The following SLC4A4 variants were observed in gnomAD, a reference collection of about 807,000 sequenced individuals.
The protein encoded by SLC4A4 is electrogenic sodium bicarbonate cotransporter 1.
In SLC4A4, 27 loss-of-function variants were observed where a neutral mutation model predicts 111.5. The observed-to-expected ratio is 0.24, with a 90% CI of 0.18 to 0.33. The LOEUF (loss-of-function observed/expected upper bound fraction) is 0.33. SLC4A4 is among the 10% of genes least tolerant of loss of function. The pLI is 1.00. For missense variants in SLC4A4, 909 were observed against 1,315.5 expected, an observed-to-expected ratio of 0.69 and a Z score of 4.78; for synonymous variants, 443 against 463.4, an observed-to-expected ratio of 0.96 and a Z score of 0.57.
At chr4:71,138,966 G>A (rs1334148408) in intron 2 of SLC4A4, among the ~76,000 whole-genome samples, 3 of 150,870 alleles carry the variant, frequency 2.0e-5, no homozygotes, top group Non-Finnish European at 4.4e-5. Flanking sequence ...AACCCGGGAG[G>A]CGGAGCTTGC....
chr4:71,450,661 C>G (rs1725678380), intron 10 of SLC4A4, 118 bp downstream of exon 10: 1 of 975,290 alleles, frequency 1.0e-6, no homozygotes, highest in Non-Finnish European at 1.6e-6. Context: ...TCCTGTTTAA[C>G]TTGATGTATT....
chr4:71,264,065 GT>G (rs928632893), intron 3 of SLC4A4, among the ~76,000 whole-genome samples: 7 of 151,910 alleles, frequency 4.6e-5, no homozygotes, highest in Non-Finnish European at 5.9e-5. Flanking sequence ...TGTTTGCGGA[GT>G]TTTTTTTACA....
chr4:71,119,469 A>G (rs1743357959), intron 2 of SLC4A4, among the ~76,000 whole-genome samples: 1 of 151,392 alleles, frequency 6.6e-6, no homozygotes, highest in African/African-American at 2.4e-5. Flanking sequence ...GCAGCCTCAA[A>G]CTCCTAGGTT....
At chr4:71,395,681 A>G (rs1278580882) in intron 6 of SLC4A4, among the ~76,000 whole-genome samples, 1 of 152,222 alleles carries the variant, frequency 6.6e-6, no homozygotes, top group Non-Finnish European at 1.5e-5. Context: ...TTGGGCTGAA[A>G]TGTGCCTTTG....
chr4:71,157,981 A>G (rs1236812921), intron 2 of SLC4A4, among the ~76,000 whole-genome samples: 1 of 152,162 alleles, frequency 6.6e-6, no homozygotes, highest in Non-Finnish European at 1.5e-5. Context: ...GAATTTCATG[A>G]GATATTCCCT....
chr4:71,520,843 T>C (rs543909517), intron 16 of SLC4A4, among the ~76,000 whole-genome samples: 1 of 152,096 alleles, frequency 6.6e-6, no homozygotes, highest in Non-Finnish European at 1.5e-5. Flanking sequence ...TATTTCTTTT[T>C]TTTGGGGGGG....
chr4:71,442,396 C>A (rs1398047697), intron 8 of SLC4A4, among the ~76,000 whole-genome samples: 1 of 152,124 alleles, frequency 6.6e-6, no homozygotes, highest in African/African-American at 2.4e-5. Flanking sequence ...TATTTCAGGG[C>A]AATAATCTGA....
chr4:71,164,642 G>A (rs1222797729), intron 2 of SLC4A4, among the ~76,000 whole-genome samples: 1 of 151,948 alleles, frequency 6.6e-6, no homozygotes, highest in African/African-American at 2.4e-5. Context: ...CATAGGCATG[G>A]GCAAAGACTT....
intron 14 of SLC4A4, among the ~76,000 whole-genome samples, chr4:71,481,826 G>A (rs1728909793): frequency 6.6e-6 from 1 of 151,702 alleles, no homozygotes. Context: ...GAAAATCCAA[G>A]TATGGAAAAC....
At chr4:71,359,246 A>G (rs1024975000) in intron 6 of SLC4A4, among the ~76,000 whole-genome samples, 1 of 152,262 alleles carries the variant, frequency 6.6e-6, no homozygotes, top group African/African-American at 2.4e-5. Flanking sequence ...TGCCTTTGCC[A>G]TCCATCTTTT....
At chr4:71,419,268 C>T (rs1167145405) in intron 7 of SLC4A4, among the ~76,000 whole-genome samples, 1 of 152,162 alleles carries the variant, frequency 6.6e-6, no homozygotes, top group South Asian at 2.1e-4. Context: ...TACTGCTGTC[C>T]TTTTGTTTGT....
At chr4:71,319,501 G>A (rs1441758559) in intron 3 of SLC4A4, among the ~76,000 whole-genome samples, 1 of 151,984 alleles carries the variant, frequency 6.6e-6, no homozygotes, top group South Asian at 2.1e-4. Flanking sequence ...CTAAATAACA[G>A]GGTAAATAAA....
intron 1 of SLC4A4, among the ~76,000 whole-genome samples, chr4:71,206,083 C>G (rs1477503571): frequency 2.0e-5 from 3 of 152,146 alleles, no homozygotes; most frequent in Non-Finnish European, 2.9e-5. Context: ...CTCTATAGTT[C>G]TTTCCATAAG....
intron 2 of SLC4A4, among the ~76,000 whole-genome samples, chr4:71,245,935 T>C (rs983506310): frequency 3.9e-5 from 6 of 152,132 alleles, no homozygotes; most frequent in African/African-American, 1.4e-4. Flanking sequence ...GAGCTAGCAA[T>C]TGACAGTGCT....
intron 4 of SLC4A4, among the ~76,000 whole-genome samples, chr4:71,343,451 T>A (rs1353744142): frequency 6.6e-6 from 1 of 152,168 alleles, no homozygotes; most frequent in African/African-American, 2.4e-5. Flanking sequence ...CTAATAGGAT[T>A]CTCAAAATTG....
chr4:71,505,524 C>T (rs1292663994), intron 16 of SLC4A4, among the ~76,000 whole-genome samples: 3 of 151,800 alleles, frequency 2.0e-5, no homozygotes, highest in Non-Finnish European at 4.4e-5. Context: ...TTTTCATGTC[C>T]TCTGCCCAGT....
chr4:71,387,752 C>T (rs976684183), intron 6 of SLC4A4, among the ~76,000 whole-genome samples: 3 of 152,142 alleles, frequency 2.0e-5, no homozygotes, highest in Non-Finnish European at 4.4e-5. Context: ...CCTCGGCCTC[C>T]GAAGCGCTGG....
At chr4:71,428,677 A>C (rs925775744) in intron 7 of SLC4A4, among the ~76,000 whole-genome samples, 3 of 152,078 alleles carry the variant, frequency 2.0e-5, no homozygotes, top group Non-Finnish European at 4.4e-5. Flanking sequence ...GAAGAAATGA[A>C]GAGAGGAAAG....
rs149578347 is a variant in SLC4A4 at position 71,414,529 on chromosome 4, A to G, written c.807+16876A>G. Among the ~76,000 whole-genome samples the G allele has an allele frequency of 6.9e-4, 105 of 152,314 alleles. 1 individual carries two copies. The highest frequency in any genetic ancestry group is 2.3e-3 in the African/African-American group (96 of 41,566). ...CTTTTAACTCTTGGTTGCCTACATT[A>G]CCTCTGGTTATTCTACCCTTTTACC... On this transcript the variant is annotated intron_variant, in intron 7 of 25. Transcript: ENST00000264485.
Sources: allele counts gnomAD v4.1 joint callset (sites outside exome capture counted in the v4.1 genomes callset), GRCh38; gene constraint gnomAD v4.1.1; transcripts MANE v1.5; gene names NCBI Gene and HGNC (gene_info 2026-07-23, HGNC 2026-07-21).